The following SLC9A9 variants were observed in gnomAD, a reference collection of about 807,000 sequenced individuals.
SLC9A9 encodes sodium/hydrogen exchanger 9.
A neutral mutation model predicts 77.8 loss-of-function variants in SLC9A9; 62 were observed. The ratio of observed to expected loss-of-function variants is 0.80; its 90% CI spans 0.65 to 0.98. SLC9A9 has a LOEUF of 0.98. Ranked by LOEUF, SLC9A9 falls within the 50% of genes least tolerant of loss-of-function variation. The pLI, the probability that SLC9A9 is intolerant of heterozygous loss-of-function variation, is 0.00. For synonymous variants in SLC9A9, 320 were observed against 283.5 expected, an observed-to-expected ratio of 1.13 and a Z score of -1.29; for missense variants, 775 against 774.9, an observed-to-expected ratio of 1.00 and a Z score of 0.00.
At chr3:143,275,378 T>C (rs1485969109) in intron 14 of SLC9A9, among the ~76,000 whole-genome samples, 1 of 152,214 alleles carries the variant, frequency 6.6e-6, no homozygotes, top group Non-Finnish European at 1.5e-5. Context: ...ATGTCTCAGG[T>C]ACATTGTGTG....
At chr3:143,475,378 T>C (rs1475665971) in intron 11 of SLC9A9, among the ~76,000 whole-genome samples, 2 of 152,182 alleles carry the variant, frequency 1.3e-5, no homozygotes, top group Non-Finnish European at 2.9e-5. Flanking sequence ...TGACCTCTGG[T>C]TTGCTGCCTC....
intron 5 of SLC9A9, among the ~76,000 whole-genome samples, chr3:143,687,856 A>G (rs969447595): frequency 6.6e-6 from 1 of 152,148 alleles, no homozygotes; most frequent in African/African-American, 2.4e-5. Flanking sequence ...CTTGGAAAGT[A>G]GACTTGGGCC....
chr3:143,441,132 C>T (rs2034725413), intron 12 of SLC9A9, among the ~76,000 whole-genome samples: 1 of 152,172 alleles, frequency 6.6e-6, no homozygotes, highest in Non-Finnish European at 1.5e-5. Flanking sequence ...TTTCTCAGGG[C>T]CCTACTTTTT....
chr3:143,565,619 T>A (rs2037155446), intron 8 of SLC9A9, among the ~76,000 whole-genome samples: 1 of 152,154 alleles, frequency 6.6e-6, no homozygotes, highest in African/African-American at 2.4e-5. Flanking sequence ...TGCATGTTTG[T>A]CTTTGGTTCA....
At chr3:143,768,047 G>T (rs916896953) in intron 4 of SLC9A9, among the ~76,000 whole-genome samples, 1 of 152,156 alleles carries the variant, frequency 6.6e-6, no homozygotes, top group South Asian at 2.1e-4. Context: ...TACTCCCTTT[G>T]CCCTTCCAGC....
chr3:143,577,319 T>C (rs1434863643), intron 7 of SLC9A9, among the ~76,000 whole-genome samples: 1 of 152,170 alleles, frequency 6.6e-6, no homozygotes, highest in African/African-American at 2.4e-5. Flanking sequence ...AGATGCCACA[T>C]TGGTCCCACT....
At chr3:143,444,331 T>C (rs2034804943) in intron 12 of SLC9A9, among the ~76,000 whole-genome samples, 2 of 152,184 alleles carry the variant, frequency 1.3e-5, no homozygotes, top group African/African-American at 2.4e-5. Flanking sequence ...TAGTCGGAGA[T>C]GTTAATGAAG....
intron 11 of SLC9A9, among the ~76,000 whole-genome samples, chr3:143,486,885 G>A (rs2035661959): frequency 6.6e-6 from 1 of 151,918 alleles, no homozygotes; most frequent in African/African-American, 2.4e-5. Flanking sequence ...AATGCTGTAA[G>A]GTATATAGAA....
At chr3:143,789,262 A>G (rs1382021516) in intron 4 of SLC9A9, among the ~76,000 whole-genome samples, 1 of 152,172 alleles carries the variant, frequency 6.6e-6, no homozygotes, top group Non-Finnish European at 1.5e-5. Flanking sequence ...AGTTCTAGCT[A>G]AACAAGGAGA....
chr3:143,348,010 G>A (rs2032341896), intron 14 of SLC9A9, among the ~76,000 whole-genome samples: 1 of 144,478 alleles, frequency 6.9e-6, no homozygotes, highest in Non-Finnish European at 1.5e-5. Flanking sequence ...AAGAAGTTAA[G>A]CAGTAATTTT....
At chr3:143,527,088 A>C (rs560628866) in intron 9 of SLC9A9, among the ~76,000 whole-genome samples, 221 of 152,332 alleles carry the variant, frequency 1.5e-3, no homozygotes, top group African/African-American at 5.2e-3. Flanking sequence ...GACATATACG[A>C]CTTGTCTAAT....
At chr3:143,638,804 C>T (rs2038572189) in intron 6 of SLC9A9, among the ~76,000 whole-genome samples, 1 of 152,208 alleles carries the variant, frequency 6.6e-6, no homozygotes. Context: ...AGGTTTTAAT[C>T]AGATTCCCTA....
At chr3:143,627,344 G>A in intron 6 of SLC9A9, 1 of 211,852 alleles carries the variant, frequency 4.7e-6, no homozygotes, top group Non-Finnish European at 1.0e-5. Flanking sequence ...ATAGATATCA[G>A]CTTCCAATCT....
chr3:143,446,797 G>A (rs1472719937), intron 12 of SLC9A9, among the ~76,000 whole-genome samples: 1 of 152,158 alleles, frequency 6.6e-6, no homozygotes, highest in African/African-American at 2.4e-5. Context: ...TGTGAGGCAT[G>A]GAAGAAGAAA....
chr3:143,609,116 C>T lies in SLC9A9; in HGVS notation c.756-30393G>A, dbSNP rs530088496. On this transcript the variant is annotated intron_variant, in intron 6 of 15. Coordinates refer to ENST00000316549, the MANE Select transcript of SLC9A9 (RefSeq NM_173653.4). Reference sequence around the variant, plus strand: ...GGTTGAAGATGAGTCTATTCTCCATCAGACTGTGCTATGTATAGATCCACT... The same window carrying T: ...GGTTGAAGATGAGTCTATTCTCCATTAGACTGTGCTATGTATAGATCCACT... Among the ~76,000 whole-genome samples, 7 of 152,296 alleles carry T rather than the reference C, an allele frequency of 4.6e-5. No individual in the cohort carries two copies. The South Asian group carries it at 1.0e-3, about 23-fold the overall frequency.
intron 5 of SLC9A9, 115 bp downstream of exon 5, chr3:143,693,077 G>T: frequency 1.3e-6 from 1 of 774,498 alleles, no homozygotes; most frequent in Non-Finnish European, 2.1e-6. Flanking sequence ...GTCAACTGCA[G>T]GTGAAGAAAA....
intron 4 of SLC9A9, among the ~76,000 whole-genome samples, chr3:143,748,720 G>A (rs1278070921): frequency 7.5e-6 from 1 of 134,136 alleles, no homozygotes; most frequent in Non-Finnish European, 1.5e-5. Flanking sequence ...TTTTTGAGAC[G>A]GAGTCTCGCT....
At chr3:143,532,170 A>C (rs1367817390) in intron 9 of SLC9A9, among the ~76,000 whole-genome samples, 1 of 152,256 alleles carries the variant, frequency 6.6e-6, no homozygotes, top group African/African-American at 2.4e-5. Context: ...TGATACATGT[A>C]ATCAGTGGTA....
At chr3:143,271,926 G>A (rs886467639) in intron 14 of SLC9A9, among the ~76,000 whole-genome samples, 1 of 152,158 alleles carries the variant, frequency 6.6e-6, no homozygotes, top group Admixed American at 6.5e-5. Context: ...TATATATTAT[G>A]TGCACAATGG....
Sources: gnomAD v4.1 joint callset for allele counts (sites outside exome capture counted in the v4.1 genomes callset) on GRCh38, gnomAD v4.1.1 for gene constraint, MANE v1.5 for transcripts, NCBI Gene and HGNC (gene_info 2026-07-23, HGNC 2026-07-21) for gene names.